The following LSR variants were observed in gnomAD, a reference collection of about 807,000 sequenced individuals.
LSR encodes lipolysis stimulated lipoprotein receptor.
Under a neutral mutation model 61.8 loss-of-function variants are expected in LSR, and 44 were observed. That is an observed-to-expected ratio of 0.71 (90% CI 0.56 to 0.91). The LOEUF is 0.91. LSR is among the 40% of genes least tolerant of loss of function. The probability of loss-of-function intolerance (pLI) is 0.00; values close to 1 mark genes in which losing one functional copy is unlikely to be tolerated. For synonymous variants in LSR, 397 were observed against 350.6 expected (o/e 1.13, Z -1.48); for missense variants, 911 against 830.5 (o/e 1.10, Z -1.19).
intron 2 of LSR, among the ~76,000 whole-genome samples, chr19:35,252,110 A>T (rs1316937696): frequency 6.6e-6 from 1 of 151,838 alleles, no homozygotes; most frequent in African/African-American, 2.4e-5. Context: ...CTGGGATTAC[A>T]GGCGTGAGCC....
Position 35,267,326 on chromosome 19 carries a change from G to A in LSR, c.1362G>A (p.Pro454=), listed in dbSNP as rs1005050129. ...RSVDALDDLT[P]PSTAESGSRS... is the part of the protein sequence containing the mutation. ...TGGACGCCCTGGACGACCTCACCCCGCCGAGCACCGCCGAGTCAGGGAGCA... is the reference window on the plus strand; with the variant it reads ...TGGACGCCCTGGACGACCTCACCCCACCGAGCACCGCCGAGTCAGGGAGCA... Residue 454 remains proline, a synonymous_variant, in exon 9 of 10, where the codon CCG becomes CCA. Coordinates refer to ENST00000605618, the MANE Select transcript of LSR (RefSeq NM_205834.4). 7.0e-6 allele frequency: 11 copies of A among 1,562,648 alleles called. No individual in the cohort carries two copies. Among genetic ancestry groups the A allele is most frequent in the African/African-American group, 1.4e-5 (1 of 73,770 alleles).
chr19:35,250,211 TA>T, intron 1 of LSR, 103 bp from the exon 2 acceptor site: 1 of 740,234 alleles, frequency 1.4e-6, no homozygotes, highest in Non-Finnish European at 2.2e-6. Flanking sequence ...AGGCACTCTG[TA>T]AACCACATAC....
intron 3 of LSR, among the ~76,000 whole-genome samples, chr19:35,261,190 G>A (rs886201283): frequency 1.1e-4 from 16 of 152,168 alleles, no homozygotes; most frequent in South Asian, 2.1e-4. Context: ...TCTGAGATGC[G>A]TGAATGTGAC....
At chr19:35,256,461 G>A (rs1401562406) in intron 2 of LSR, among the ~76,000 whole-genome samples, 1 of 152,192 alleles carries the variant, frequency 6.6e-6, no homozygotes, top group Non-Finnish European at 1.5e-5. Context: ...CTGGATAGAA[G>A]AGCCTGGCTT....
In LSR at chr19:35,266,888, G is replaced by T. The variant is rs35205867; in HGVS notation, c.1065G>T (p.Arg355=). 1.9e-3 allele frequency: 2,991 copies of T among 1,613,386 alleles called. 57 individuals are homozygous for T. The African/African-American group carries it at 0.035, about 19-fold the overall frequency. Residue 355 remains arginine (R), a synonymous_variant, in exon 8 of 10, where the codon CGG becomes CGT. Coordinates refer to ENST00000605618, the MANE Select transcript of LSR (RefSeq NM_205834.4). ...CCAGCCAGCAGGACGACTCCATGCG[G>T]GTCCTGTACTACATGGAGAAGGAGC... The part of the protein sequence containing the change: ...IQASQQDDSM[R]VLYYMEKELA...
At chr19:35,261,855 G>A (rs1568445489) in intron 3 of LSR, 70 bp from the exon 4 acceptor site, 15 of 1,131,122 alleles carry the variant, frequency 1.3e-5, no homozygotes, top group Non-Finnish European at 1.8e-5. Context: ...GCCTGGAGCT[G>A]GGCTTTCGGG....
chr19:35,258,583 C>T (rs1479324223), intron 2 of LSR, among the ~76,000 whole-genome samples: 4 of 151,748 alleles, frequency 2.6e-5, no homozygotes, highest in Admixed American at 2.6e-4. Context: ...CCAGCCAGGG[C>T]CACAGAGTGA....
chr19:35,252,859 A>G (rs1427549121), intron 2 of LSR, among the ~76,000 whole-genome samples: 1 of 151,978 alleles, frequency 6.6e-6, no homozygotes, highest in Non-Finnish European at 1.5e-5. Flanking sequence ...CAAAAATTTT[A>G]AAAATTTAAA....
chr19:35,252,510 A>G (rs1202238500), intron 2 of LSR, among the ~76,000 whole-genome samples: 1 of 151,482 alleles, frequency 6.6e-6, no homozygotes, highest in Admixed American at 6.6e-5. Flanking sequence ...TTAGCCAGGC[A>G]TGGTGGCACA....
At chr19:35,257,184 T>C (rs1199736098) in intron 2 of LSR, among the ~76,000 whole-genome samples, 1 of 152,142 alleles carries the variant, frequency 6.6e-6, no homozygotes, top group Non-Finnish European at 1.5e-5. Flanking sequence ...TGTCAGGCAC[T>C]GGGGACCCAG....
Position 35,267,496 on chromosome 19 carries a change from G to A in LSR, c.1532G>A (p.Arg511His). The change falls in exon 9 of 10, where the codon CGC becomes CAC. Residue 511 changes from arginine to histidine, a missense_variant. Physicochemically the swap from Arg to His is conservative, Grantham distance 29 (BLOSUM62 0). Transcript: ENST00000605618. ...PHYDDFRSRE[R>H]PPADPRSHHH... Reference sequence around the variant, plus strand: ...TACGACGACTTCAGGTCTCGGGAGCGCCCTCCTGCCGACCCCAGGTCCCAC... The same window carrying A: ...TACGACGACTTCAGGTCTCGGGAGCACCCTCCTGCCGACCCCAGGTCCCAC... 1 of 1,610,374 alleles carries A rather than the reference G, an allele frequency of 6.2e-7. No homozygotes were observed. The highest frequency in any genetic ancestry group is 8.5e-7 in the Non-Finnish European group (1 of 1,179,388).
intron 2 of LSR, among the ~76,000 whole-genome samples, chr19:35,256,401 G>GAAATCAGACAAA (rs1252633846): frequency 6.6e-6 from 1 of 152,208 alleles, no homozygotes; most frequent in Non-Finnish European, 1.5e-5. Context: ...AAAACATTGT[G>GAAATCAGACAAA]AATGAGAAGG....
intron 5 of LSR, chr19:35,262,973 A>T (rs2065950319): frequency 5.6e-6 from 2 of 357,188 alleles, no homozygotes; most frequent in Non-Finnish European, 1.0e-5. Context: ...ACATGGAAGT[A>T]AAGCCCTCTA....
chr19:35,262,574 G>C lies in LSR; in HGVS notation c.660G>C (p.Leu220=). 1 of 1,614,226 alleles carries C rather than the reference G, an allele frequency of 6.2e-7. No homozygotes were observed. Among genetic ancestry groups the C allele is most frequent in the South Asian group, 1.1e-5 (1 of 91,088 alleles). Residue 220 remains leucine (L), a synonymous_variant, in exon 5 of 10, where the codon CTG becomes CTC. Transcript: ENST00000605618. ...GGCTCTTCGTGGTTGTGGTATGCCT[G>C]GCTGCCTTCCTCATCTTCCTCCTCC... ...EDWLFVVVVC[L]AAFLIFLLLG... is the part of the protein sequence containing the mutation.
Position 35,267,309 on chromosome 19 carries a change from C to G in LSR, c.1345C>G (p.Leu449Val), listed in dbSNP as rs2066024482. The G allele has an allele frequency of 4.5e-6, 7 of 1,551,862 alleles. No homozygotes were observed. The highest frequency in any genetic ancestry group is 6.1e-6 in the Non-Finnish European group (7 of 1,148,722). Reference protein sequence around the residue: ...RRPRARSVDALDDLTPPSTAE... With the variant: ...RRPRARSVDAVDDLTPPSTAE... ...GCCCCGGGCCCGCTCCGTGGACGCC[C>G]TGGACGACCTCACCCCGCCGAGCAC... Residue 449 changes from leucine to valine, a missense_variant, in exon 9 of 10, where the codon CTG becomes GTG. Leu to Val is a conservative substitution (Grantham distance 32). Coordinates refer to ENST00000605618, the MANE Select transcript of LSR (RefSeq NM_205834.4).
At chr19:35,252,113 C>G (rs373132982) in intron 2 of LSR, among the ~76,000 whole-genome samples, 2 of 151,834 alleles carry the variant, frequency 1.3e-5, no homozygotes, top group African/African-American at 2.4e-5. Flanking sequence ...GGATTACAGG[C>G]GTGAGCCACC....
chr19:35,250,169 C>A, intron 1 of LSR, 146 bp from the exon 2 acceptor site: 1 of 558,646 alleles, frequency 1.8e-6, no homozygotes, highest in Non-Finnish European at 3.1e-6. Flanking sequence ...GGCTACCTCA[C>A]TGGTCCTGGC....
At chr19:35,261,809 C>T in intron 3 of LSR, 116 bp from the exon 4 acceptor site, 1 of 610,646 alleles carries the variant, frequency 1.6e-6, no homozygotes, top group Non-Finnish European at 2.7e-6. Context: ...AGCCCCCAGC[C>T]CCTTCCCGCT....
intron 2 of LSR, 80 bp downstream of exon 2, chr19:35,250,739 C>T: frequency 8.8e-7 from 1 of 1,139,190 alleles, no homozygotes; most frequent in Non-Finnish European, 1.2e-6. Context: ...ACCTGGAGTC[C>T]CCATCTGAAA....
Sources: gnomAD v4.1 joint callset for allele counts (sites outside exome capture counted in the v4.1 genomes callset) on GRCh38, gnomAD v4.1.1 for gene constraint, MANE v1.5 for transcripts, NCBI Gene and HGNC (gene_info 2026-07-23, HGNC 2026-07-21) for gene names.